The following KLF12 variants were observed in gnomAD, a reference collection of about 807,000 sequenced individuals.
KLF12 encodes KLF transcription factor 12.
KLF12 carries 9 observed loss-of-function variants against 37.8 expected under a neutral mutation model. The observed-to-expected ratio is 0.24, with a 90% CI of 0.14 to 0.42. The LOEUF (loss-of-function observed/expected upper bound fraction) is 0.42. Ranked by LOEUF, KLF12 falls within the 10% of genes least tolerant of loss-of-function variation. KLF12 has a pLI of 1.00. For missense variants in KLF12, 411 were observed against 516.0 expected, an observed-to-expected ratio of 0.80 and a Z score of 1.97; for synonymous variants, 208 against 202.1, an observed-to-expected ratio of 1.03 and a Z score of -0.25.
chr13:74,211,770 T>A, the KLF12 span, among the ~76,000 whole-genome samples: 1 of 152,208 alleles, frequency 6.6e-6, no homozygotes, highest in Admixed American at 6.5e-5. Context: ...ATAATTTTGA[T>A]GTTCAGTTGA....
intron 4 of KLF12, among the ~76,000 whole-genome samples, chr13:73,813,632 T>G (rs1277770460): frequency 6.6e-6 from 1 of 152,204 alleles, no homozygotes; most frequent in Non-Finnish European, 1.5e-5. Flanking sequence ...CCTCCTTGCT[T>G]CTGCTGCCAG....
At chr13:74,251,909 G>A in the KLF12 span, among the ~76,000 whole-genome samples, 3 of 152,124 alleles carry the variant, frequency 2.0e-5, no homozygotes, top group African/African-American at 7.2e-5. Context: ...AGTTGCAAGC[G>A]GGCAGGGTCA....
intron 1 of KLF12, among the ~76,000 whole-genome samples, chr13:74,048,349 G>A (rs1002603032): frequency 1.3e-5 from 2 of 152,148 alleles, no homozygotes; most frequent in African/African-American, 4.8e-5. Context: ...CTCTCTCACA[G>A]CTGGGTTTCT....
intron 6 of KLF12, among the ~76,000 whole-genome samples, chr13:73,748,782 G>A (rs1021463000): frequency 1.3e-5 from 2 of 152,188 alleles, no homozygotes; most frequent in Non-Finnish European, 2.9e-5. Flanking sequence ...AAATGATAGT[G>A]AAGAGTTTGA....
At chr13:74,234,870 T>A in the KLF12 span, among the ~76,000 whole-genome samples, 4 of 152,208 alleles carry the variant, frequency 2.6e-5, no homozygotes, top group Admixed American at 1.3e-4. Flanking sequence ...TTAAAATTTA[T>A]AAAAAGGTAT....
the KLF12 span, among the ~76,000 whole-genome samples, chr13:74,245,875 A>T: frequency 6.6e-6 from 1 of 152,232 alleles, no homozygotes; most frequent in Non-Finnish European, 1.5e-5. Context: ...CTAGAATTTT[A>T]AAAAATCATA....
the KLF12 span, among the ~76,000 whole-genome samples, chr13:74,192,626 T>C: frequency 6.6e-6 from 1 of 152,218 alleles, no homozygotes; most frequent in African/African-American, 2.4e-5. Context: ...TTTCAATAGT[T>C]TGACACACAT....
At chr13:74,165,455 T>C in the KLF12 span, among the ~76,000 whole-genome samples, 1 of 151,862 alleles carries the variant, frequency 6.6e-6, no homozygotes, top group Non-Finnish European at 1.5e-5. Context: ...CCTGCCACCA[T>C]GCCCAGCTAA....
At chr13:73,753,199 C>T (rs1254871398) in intron 6 of KLF12, among the ~76,000 whole-genome samples, 2 of 152,136 alleles carry the variant, frequency 1.3e-5, no homozygotes, top group African/African-American at 4.8e-5. Flanking sequence ...CTCCCACCGA[C>T]CTCTCTGAGC....
intron 3 of KLF12, among the ~76,000 whole-genome samples, chr13:73,915,510 G>A (rs562196399): frequency 2.1e-4 from 32 of 151,254 alleles, no homozygotes; most frequent in Non-Finnish European, 3.5e-4. Flanking sequence ...TTCTTTTTCA[G>A]TTTTGTTTCT....
intron 4 of KLF12, among the ~76,000 whole-genome samples, chr13:73,832,366 A>G (rs1172224398): frequency 1.3e-5 from 2 of 152,144 alleles, no homozygotes; most frequent in South Asian, 2.1e-4. Flanking sequence ...AGTCTAGTTC[A>G]TGTTCTCTGG....
intron 6 of KLF12, among the ~76,000 whole-genome samples, chr13:73,764,279 A>C (rs1226038090): frequency 6.6e-6 from 1 of 152,098 alleles, no homozygotes; most frequent in East Asian, 1.9e-4. Flanking sequence ...GGAGTAATAT[A>C]AACAAATACA....
intron 4 of KLF12, among the ~76,000 whole-genome samples, chr13:73,835,397 C>A (rs1343006048): frequency 2.0e-4 from 30 of 151,950 alleles, no homozygotes; most frequent in Admixed American, 2.0e-3. Flanking sequence ...TATTACATGA[C>A]TTCTGGAAAA....
chr13:74,275,228 G>A, the KLF12 span, among the ~76,000 whole-genome samples: 188 of 152,200 alleles, frequency 1.2e-3, 1 homozygote, highest in East Asian at 0.03. Context: ...GTGATTGGTG[G>A]GGCAGAGCAG....
intron 1 of KLF12, among the ~76,000 whole-genome samples, chr13:74,111,179 A>C (rs570161955): frequency 2.6e-5 from 4 of 151,994 alleles, no homozygotes; most frequent in African/African-American, 9.6e-5. Flanking sequence ...TAAGAATAAT[A>C]AGAATAATAT....
At chr13:74,011,214 C>T (rs369009920) in intron 1 of KLF12, among the ~76,000 whole-genome samples, 2 of 137,662 alleles carry the variant, frequency 1.5e-5, no homozygotes, top group African/African-American at 5.6e-5. Context: ...AAGGAGGACT[C>T]GATTTCAGAA....
intron 1 of KLF12, among the ~76,000 whole-genome samples, chr13:74,001,472 A>G (rs2138311057): frequency 6.6e-6 from 1 of 152,354 alleles, no homozygotes; most frequent in East Asian, 1.9e-4. Context: ...AGCTAGGTAC[A>G]GGACATTATG....
intron 6 of KLF12, among the ~76,000 whole-genome samples, chr13:73,761,410 A>C: frequency 6.6e-6 from 1 of 152,184 alleles, no homozygotes; most frequent in East Asian, 1.9e-4. Flanking sequence ...AGGGCAAGGC[A>C]ATTCTTAATC....
At position 73,878,114 on chromosome 13, in the gene KLF12, C is replaced by T. The variant is rs1886804299; in HGVS notation, c.124-31741G>A. 2.0e-5 allele frequency among the ~76,000 whole-genome samples: 3 copies of T among 152,076 alleles called. No individual in the cohort carries two copies. In the South Asian group the frequency reaches 6.2e-4, roughly 32 times the overall value. On this transcript the variant is annotated intron_variant, in intron 3 of 7. Coordinates refer to ENST00000377669, the MANE Select transcript of KLF12 (RefSeq NM_007249.5). ...ATAGCAGTAACTCCATTGGCATCTT[C>T]CCTGGATGTCTCTCATGAATCTTAG...
Sources: gnomAD v4.1 joint callset for allele counts (sites outside exome capture counted in the v4.1 genomes callset) on GRCh38, gnomAD v4.1.1 for gene constraint, MANE v1.5 for transcripts, NCBI Gene and HGNC (gene_info 2026-07-23, HGNC 2026-07-21) for gene names.